Variants in LINGO2 observed in about 807,000 individuals in gnomAD.
The protein encoded by LINGO2 is leucine-rich repeat and immunoglobulin-like domain-containing nogo receptor-interacting protein 2.
A neutral mutation model predicts 30.6 loss-of-function variants in LINGO2; 14 were observed. The observed-to-expected ratio is 0.46, with a 90% CI of 0.30 to 0.72. The LOEUF is 0.72. LINGO2 is among the 30% of genes least tolerant of loss of function. The pLI, the probability that LINGO2 is intolerant of heterozygous loss-of-function variation, is 0.07. For synonymous variants in LINGO2, 317 were observed against 288.5 expected (o/e 1.10, Z -1.00); for missense variants, 729 against 751.7 (o/e 0.97, Z 0.35).
chr9:28,374,541 A>C (rs1821045510), intron 2 of LINGO2, among the ~76,000 whole-genome samples: 1 of 152,168 alleles, frequency 6.6e-6, no homozygotes, highest in South Asian at 2.1e-4. Context: ...AATGGGAAGC[A>C]GACCTCCAAT....
At chr9:28,590,357 A>G (rs1372165176) in intron 1 of LINGO2, among the ~76,000 whole-genome samples, 2 of 152,142 alleles carry the variant, frequency 1.3e-5, no homozygotes, top group African/African-American at 2.4e-5. Flanking sequence ...CTACCATCAG[A>G]GTGAACAGGC....
chr9:28,025,855 A>C (rs1823350790), intron 4 of LINGO2, among the ~76,000 whole-genome samples: 1 of 150,784 alleles, frequency 6.6e-6, no homozygotes, highest in Admixed American at 6.6e-5. Flanking sequence ...TGTAGATTAC[A>C]GGGGGTTAAA....
At chr9:28,996,777 T>C in the LINGO2 span, among the ~76,000 whole-genome samples, 1 of 152,214 alleles carries the variant, frequency 6.6e-6, no homozygotes, top group African/African-American at 2.4e-5. Flanking sequence ...TGATACCTCA[T>C]ATTTATATTT....
intron 5 of LINGO2, among the ~76,000 whole-genome samples, chr9:28,009,141 G>GTTTT (rs59012553): frequency 2.1e-4 from 31 of 150,268 alleles, no homozygotes; most frequent in South Asian, 6.3e-4. Context: ...AAAGGGAAAA[G>GTTTT]TTTTTTTTTT....
At chr9:28,725,333 GA>G in the LINGO2 span, among the ~76,000 whole-genome samples, 9 of 151,280 alleles carry the variant, frequency 5.9e-5, no homozygotes, top group African/African-American at 7.3e-5. Flanking sequence ...AATTAATATT[GA>G]AAAAAAATCA....
At chr9:28,478,208 A>G (rs1825799863) in intron 1 of LINGO2, among the ~76,000 whole-genome samples, 1 of 152,190 alleles carries the variant, frequency 6.6e-6, no homozygotes, top group Admixed American at 6.5e-5. Flanking sequence ...ATTTCAGGAC[A>G]TATATATTGA....
At chr9:28,850,977 G>T in the LINGO2 span, among the ~76,000 whole-genome samples, 1 of 151,962 alleles carries the variant, frequency 6.6e-6, no homozygotes, top group African/African-American at 2.4e-5. Flanking sequence ...TTTACTTCCA[G>T]TAGCCTCTTT....
chr9:28,554,905 A>G (rs1164781088), intron 1 of LINGO2, among the ~76,000 whole-genome samples: 2 of 134,932 alleles, frequency 1.5e-5, no homozygotes, highest in East Asian at 4.3e-4. Flanking sequence ...TACTGGGTAC[A>G]TAACGAAATG....
At chr9:28,828,463 T>A in the LINGO2 span, among the ~76,000 whole-genome samples, 11 of 152,318 alleles carry the variant, frequency 7.2e-5, no homozygotes, top group African/African-American at 2.6e-4. Flanking sequence ...ACAACTATAA[T>A]GTGATATGAA....
chr9:28,763,522 T>C, the LINGO2 span, among the ~76,000 whole-genome samples: 3 of 151,786 alleles, frequency 2.0e-5, no homozygotes, highest in Non-Finnish European at 4.4e-5. Context: ...TCAAAACTTA[T>C]GCAGCAAAAG....
chr9:28,072,503 G>C (rs1825508156), intron 4 of LINGO2, among the ~76,000 whole-genome samples: 1 of 152,180 alleles, frequency 6.6e-6, no homozygotes, highest in African/African-American at 2.4e-5. Flanking sequence ...ATTTCAGCTA[G>C]ACTAGACCTG....
At chr9:29,127,683 C>G in the LINGO2 span, among the ~76,000 whole-genome samples, 1 of 151,946 alleles carries the variant, frequency 6.6e-6, no homozygotes, top group East Asian at 1.9e-4. Context: ...TGAGGGCAAC[C>G]GGCTGGAGCC....
At chr9:28,852,564 G>A in the LINGO2 span, among the ~76,000 whole-genome samples, 1 of 152,050 alleles carries the variant, frequency 6.6e-6, no homozygotes, top group South Asian at 2.1e-4. Context: ...CTACATTACT[G>A]GTACTGCCAT....
At chr9:28,831,642 A>C in the LINGO2 span, among the ~76,000 whole-genome samples, 2 of 152,320 alleles carry the variant, frequency 1.3e-5, no homozygotes, top group Non-Finnish European at 2.9e-5. Flanking sequence ...AAAAAGTAAA[A>C]AAAATAGCAG....
chr9:28,396,738 G>C (rs1822065533), intron 2 of LINGO2, among the ~76,000 whole-genome samples: 1 of 128,452 alleles, frequency 7.8e-6, no homozygotes, highest in East Asian at 2.3e-4. Flanking sequence ...CCAAATCAAA[G>C]GGTCATCCAT....
At chr9:29,077,182 A>G in the LINGO2 span, among the ~76,000 whole-genome samples, 1 of 152,092 alleles carries the variant, frequency 6.6e-6, no homozygotes, top group Non-Finnish European at 1.5e-5. Flanking sequence ...TTACACAATC[A>G]TTGCAAAAGG....
chr9:28,675,601 TG>T, the LINGO2 span, among the ~76,000 whole-genome samples: 1 of 151,952 alleles, frequency 6.6e-6, no homozygotes, highest in Admixed American at 6.6e-5. Context: ...CATTTTGCGG[TG>T]GCTCACGCCT....
the LINGO2 span, among the ~76,000 whole-genome samples, chr9:28,965,950 T>G: frequency 1.1e-4 from 17 of 152,186 alleles, no homozygotes; most frequent in Non-Finnish European, 1.9e-4. Context: ...GAAGCAAAGC[T>G]AAAAAGCCCC....
At chr9:28,604,079 A>G (rs539546493) in intron 1 of LINGO2, among the ~76,000 whole-genome samples, 9 of 152,068 alleles carry the variant, frequency 5.9e-5, no homozygotes, top group Middle Eastern at 3.4e-3. Flanking sequence ...ATGGCCTTTT[A>G]CAGTATGACT....
Sources: gnomAD v4.1 joint callset for allele counts (sites outside exome capture counted in the v4.1 genomes callset) on GRCh38, gnomAD v4.1.1 for gene constraint, MANE v1.5 for transcripts, NCBI Gene and HGNC (gene_info 2026-07-23, HGNC 2026-07-21) for gene names.